Variants in PMFBP1 observed in about 807,000 individuals in gnomAD.
PMFBP1 encodes polyamine modulated factor 1 binding protein 1.
A neutral mutation model predicts 137.8 loss-of-function variants in PMFBP1; 131 were observed. That is an observed-to-expected ratio of 0.95 (90% CI 0.82 to 1.10). PMFBP1 has a LOEUF of 1.10. Ranked by LOEUF, PMFBP1 falls within the 50% of genes least tolerant of loss-of-function variation. The probability of loss-of-function intolerance (pLI) is 0.00; values close to 1 mark genes in which losing one functional copy is unlikely to be tolerated. For missense variants in PMFBP1, 1,199 were observed against 1,175.4 expected (o/e 1.02, Z -0.29); for synonymous variants, 490 against 450.4 (o/e 1.09, Z -1.11).
the PMFBP1 span, among the ~76,000 whole-genome samples, chr16:72,192,817 G>A: frequency 7.9e-4 from 120 of 151,356 alleles, no homozygotes; most frequent in Middle Eastern, 6.8e-3. Flanking sequence ...CAGCGGAATC[G>A]CTTGAACTCG....
intron 6 of PMFBP1, 97 bp from the exon 7 acceptor site, chr16:72,139,496 T>C: frequency 1.0e-6 from 1 of 983,720 alleles, no homozygotes; most frequent in Non-Finnish European, 1.6e-6. Flanking sequence ...CAGCATAAGT[T>C]TGTTGCAGAA....
upstream of PMFBP1, among the ~76,000 whole-genome samples, chr16:72,178,246 T>C (rs1044331713): frequency 1.3e-5 from 2 of 152,188 alleles, no homozygotes; most frequent in African/African-American, 4.8e-5. Flanking sequence ...CAGGGATACA[T>C]GATATCAATG....
At chr16:72,141,471 G>A (rs2042721166) in intron 5 of PMFBP1, among the ~76,000 whole-genome samples, 1 of 152,086 alleles carries the variant, frequency 6.6e-6, no homozygotes. Context: ...ACTTTCCAGA[G>A]ATGACAGTCT....
chr16:72,120,956 G>A (rs1025698716), intron 19 of PMFBP1, among the ~76,000 whole-genome samples: 1 of 152,142 alleles, frequency 6.6e-6, no homozygotes, highest in Admixed American at 6.5e-5. Context: ...CTCACACACA[G>A]CAAATAATAT....
intron 4 of PMFBP1, among the ~76,000 whole-genome samples, chr16:72,151,740 T>C (rs2042905635): frequency 6.6e-6 from 1 of 152,218 alleles, no homozygotes; most frequent in Non-Finnish European, 1.5e-5. Context: ...AGGAATATTT[T>C]ATATCCAAAT....
At chr16:72,189,698 AAAGAT>A in the PMFBP1 span, among the ~76,000 whole-genome samples, 1 of 152,170 alleles carries the variant, frequency 6.6e-6, no homozygotes, top group Non-Finnish European at 1.5e-5. Context: ...TGCCTGCTGC[AAAGAT>A]AAGACCAATT....
At chr16:72,167,312 T>C (rs1445634540) in intron 2 of PMFBP1, among the ~76,000 whole-genome samples, 1 of 152,128 alleles carries the variant, frequency 6.6e-6, no homozygotes, top group African/African-American at 2.4e-5. Flanking sequence ...TTAACCACTT[T>C]ACAGTTTAAT....
the PMFBP1 span, among the ~76,000 whole-genome samples, chr16:72,242,290 A>G: frequency 6.6e-6 from 1 of 152,250 alleles, no homozygotes; most frequent in Non-Finnish European, 1.5e-5. Flanking sequence ...TGTTCTGTCA[A>G]AGATCCAATC....
chr16:72,166,215 G>A (rs1384166486), intron 2 of PMFBP1, among the ~76,000 whole-genome samples: 1 of 152,130 alleles, frequency 6.6e-6, no homozygotes, highest in Non-Finnish European at 1.5e-5. Flanking sequence ...GACCTGGTGG[G>A]AGGTGATTGG....
the PMFBP1 span, among the ~76,000 whole-genome samples, chr16:72,215,958 C>G: frequency 6.6e-6 from 1 of 152,194 alleles, no homozygotes. Flanking sequence ...GTTCACCAAT[C>G]TCTCTCTTCT....
intron 10 of PMFBP1, among the ~76,000 whole-genome samples, chr16:72,132,087 C>T (rs4788609): frequency 0.6 from 91,629 of 152,066 alleles, 28,551 homozygotes; most frequent in African/African-American, 0.75. Context: ...TCAAGTGATC[C>T]GCCCACCTTG....
At chr16:72,218,506 C>T in the PMFBP1 span, among the ~76,000 whole-genome samples, 1 of 152,088 alleles carries the variant, frequency 6.6e-6, no homozygotes, top group Non-Finnish European at 1.5e-5. Flanking sequence ...GTCTCAAACT[C>T]CTGACCTCAA....
chr16:72,232,325 T>C, the PMFBP1 span, among the ~76,000 whole-genome samples: 1 of 152,178 alleles, frequency 6.6e-6, no homozygotes, highest in East Asian at 1.9e-4. Flanking sequence ...GCAGGCTTCT[T>C]GCTGTCCTTA....
intron 2 of PMFBP1, among the ~76,000 whole-genome samples, chr16:72,167,682 T>C (rs1388678426): frequency 6.6e-6 from 1 of 152,192 alleles, no homozygotes; most frequent in Non-Finnish European, 1.5e-5. Flanking sequence ...CTCTCCACTC[T>C]GGCCACAGGA....
At chr16:72,244,804 C>T in the PMFBP1 span, among the ~76,000 whole-genome samples, 1 of 152,204 alleles carries the variant, frequency 6.6e-6, no homozygotes, top group East Asian at 1.9e-4. Flanking sequence ...ATCCCTTTCA[C>T]TCCCCAGGCT....
At chr16:72,123,476 T>G in intron 18 of PMFBP1, 70 bp downstream of exon 18, 1 of 1,348,608 alleles carries the variant, frequency 7.4e-7, no homozygotes, top group South Asian at 1.2e-5. Context: ...GACTAATCTT[T>G]GGCACGCATG....
the PMFBP1 span, among the ~76,000 whole-genome samples, chr16:72,191,816 G>A: frequency 1.3e-5 from 2 of 152,188 alleles, no homozygotes; most frequent in Non-Finnish European, 2.9e-5. Flanking sequence ...AGCTAGTAAA[G>A]TATCGGGCCT....
the PMFBP1 span, among the ~76,000 whole-genome samples, chr16:72,209,137 C>T: frequency 6.6e-6 from 1 of 152,304 alleles, no homozygotes; most frequent in Middle Eastern, 3.4e-3. Context: ...CCATATCTTC[C>T]ATCACTTAGT....
the PMFBP1 span, among the ~76,000 whole-genome samples, chr16:72,244,102 G>A: frequency 3.3e-5 from 5 of 152,076 alleles, no homozygotes; most frequent in South Asian, 4.1e-4. Flanking sequence ...ACAATTAAAC[G>A]TGTGCTCAAA....
Sources: allele counts gnomAD v4.1 joint callset (sites outside exome capture counted in the v4.1 genomes callset), GRCh38; gene constraint gnomAD v4.1.1; transcripts MANE v1.5; gene names NCBI Gene and HGNC (gene_info 2026-07-23, HGNC 2026-07-21).